PPP2R2B: variants seen among roughly 807,000 people sequenced by gnomAD.
PPP2R2B encodes the protein protein phosphatase 2 regulatory subunit Bbeta.
In PPP2R2B, 5 loss-of-function variants were observed where a neutral mutation model predicts 46.0. The observed-to-expected ratio is 0.11, with a 90% CI of 0.06 to 0.23. The LOEUF is 0.23. Ranked by LOEUF, PPP2R2B falls within the 10% of genes least tolerant of loss-of-function variation. PPP2R2B has a pLI of 1.00. For missense variants in PPP2R2B, 367 were observed against 575.0 expected, an observed-to-expected ratio of 0.64 and a Z score of 3.70; for synonymous variants, 215 against 206.7, an observed-to-expected ratio of 1.04 and a Z score of -0.34.
intron 2 of PPP2R2B, among the ~76,000 whole-genome samples, chr5:146,702,916 T>A (rs561709104): frequency 1.8e-4 from 27 of 152,170 alleles, no homozygotes; most frequent in Non-Finnish European, 3.7e-4. Flanking sequence ...AGATGTAAGT[T>A]TAGAAGGTCC....
chr5:146,709,205 A>C (rs1780076583), intron 2 of PPP2R2B, among the ~76,000 whole-genome samples: 1 of 152,240 alleles, frequency 6.6e-6, no homozygotes. Flanking sequence ...GAATACAGAT[A>C]GAAGGGTCCA....
chr5:146,733,630 C>G (rs548393156), intron 2 of PPP2R2B, among the ~76,000 whole-genome samples: 1 of 152,238 alleles, frequency 6.6e-6, no homozygotes, highest in African/African-American at 2.4e-5. Flanking sequence ...AGACTAACCT[C>G]CCTCCAAGTC....
intron 1 of PPP2R2B, among the ~76,000 whole-genome samples, chr5:147,027,968 G>A (rs1046273026): frequency 6.6e-6 from 1 of 152,194 alleles, no homozygotes; most frequent in Non-Finnish European, 1.5e-5. Context: ...AGGCAACTCT[G>A]CTGTCACGGA....
chr5:146,732,369 C>G (rs1581975854), intron 2 of PPP2R2B, among the ~76,000 whole-genome samples: 2 of 152,282 alleles, frequency 1.3e-5, no homozygotes, highest in East Asian at 3.9e-4. Flanking sequence ...AGGCTTCCAG[C>G]TACCAATACA....
intron 1 of PPP2R2B, among the ~76,000 whole-genome samples, chr5:146,887,101 T>C (rs954171877): frequency 6.6e-6 from 1 of 152,072 alleles, no homozygotes; most frequent in African/African-American, 2.4e-5. Flanking sequence ...TATTTATATT[T>C]GAATTTTTTG....
At chr5:146,853,590 T>C (rs1050858667) in intron 2 of PPP2R2B, among the ~76,000 whole-genome samples, 1 of 152,106 alleles carries the variant, frequency 6.6e-6, no homozygotes, top group African/African-American at 2.4e-5. Flanking sequence ...AAAACCCTAA[T>C]TGAGTAACTA....
At chr5:147,080,905 G>C (rs1757951073) in intron 2 of PPP2R2B, among the ~76,000 whole-genome samples, 1 of 152,030 alleles carries the variant, frequency 6.6e-6, no homozygotes. Flanking sequence ...AAAAACAGGA[G>C]AGAAAGAAGT....
Position 146,678,056 on chromosome 5 carries a change from C to G in PPP2R2B, c.447+13072G>C, listed in dbSNP as rs1217909413. 4.6e-5 allele frequency among the ~76,000 whole-genome samples: 7 copies of G among 152,142 alleles called. No homozygotes were observed. The East Asian group carries it at 1.3e-3, about 29-fold the overall frequency. On this transcript the variant is annotated intron_variant, in intron 5 of 9. Coordinates refer to ENST00000394411, the MANE Select transcript of PPP2R2B (RefSeq NM_181675.4). ...AAGAAGTCTCTAAAGTAGGATAAAG[C>G]CCCCATGGCTCAGAGGGTTAAAAGC...
chr5:146,670,269 T>G (rs111779691), intron 5 of PPP2R2B, among the ~76,000 whole-genome samples: 1 of 152,088 alleles, frequency 6.6e-6, no homozygotes, highest in East Asian at 1.9e-4. Flanking sequence ...AACTGGCTTT[T>G]AAAAAAATCA....
At chr5:146,919,048 T>A (rs1211133751) in intron 1 of PPP2R2B, among the ~76,000 whole-genome samples, 1 of 152,166 alleles carries the variant, frequency 6.6e-6, no homozygotes, top group African/African-American at 2.4e-5. Context: ...ATGCAAAACC[T>A]ATATATGAAA....
At chr5:146,860,560 T>C (rs1213197277) in intron 2 of PPP2R2B, among the ~76,000 whole-genome samples, 1 of 152,348 alleles carries the variant, frequency 6.6e-6, no homozygotes, top group African/African-American at 2.4e-5. Flanking sequence ...TACACTACAC[T>C]TGACCTGCTG....
intron 7 of PPP2R2B, among the ~76,000 whole-genome samples, chr5:146,627,851 T>C (rs1343530708): frequency 6.6e-6 from 1 of 152,228 alleles, no homozygotes; most frequent in Non-Finnish European, 1.5e-5. Context: ...ATGAAATTTC[T>C]GATTTGCATT....
intron 1 of PPP2R2B, among the ~76,000 whole-genome samples, chr5:146,977,687 C>T (rs994487041): frequency 1.3e-5 from 2 of 152,084 alleles, no homozygotes; most frequent in East Asian, 1.9e-4. Flanking sequence ...CATCCATGTC[C>T]CAGCAAAGGA....
chr5:146,674,312 C>G (rs1190563429), intron 5 of PPP2R2B, among the ~76,000 whole-genome samples: 1 of 152,112 alleles, frequency 6.6e-6, no homozygotes, highest in Non-Finnish European at 1.5e-5. Context: ...GGATATGAAC[C>G]TGGAGTTGTC....
chr5:146,698,351 T>C (rs868612557), intron 3 of PPP2R2B, among the ~76,000 whole-genome samples: 1,090 of 102,826 alleles, frequency 0.011, 9 homozygotes, highest in Middle Eastern at 0.018. Context: ...TATATATATA[T>C]ACACACACAT....
intron 2 of PPP2R2B, among the ~76,000 whole-genome samples, chr5:147,062,923 G>A (rs1213745443): frequency 1.5e-5 from 2 of 137,032 alleles, no homozygotes; most frequent in Non-Finnish European, 3.1e-5. Context: ...CAAGGACTGT[G>A]AGATTAGATG....
intron 1 of PPP2R2B, among the ~76,000 whole-genome samples, chr5:146,915,536 T>A (rs985705173): frequency 1.6e-4 from 25 of 152,070 alleles, no homozygotes; most frequent in Non-Finnish European, 2.6e-4. Context: ...CAATTGCCAC[T>A]ATGTGAAATT....
At chr5:146,645,353 C>T (rs1775511759) in intron 6 of PPP2R2B, among the ~76,000 whole-genome samples, 1 of 152,156 alleles carries the variant, frequency 6.6e-6, no homozygotes, top group Non-Finnish European at 1.5e-5. Flanking sequence ...ATATTCCTCT[C>T]TTAAGAGCTT....
chr5:146,670,079 G>C (rs1777249233), intron 5 of PPP2R2B, among the ~76,000 whole-genome samples: 1 of 152,158 alleles, frequency 6.6e-6, no homozygotes, highest in South Asian at 2.1e-4. Context: ...GATTAGCATA[G>C]GAGTAAAGCT....
Sources: allele counts gnomAD v4.1 joint callset (sites outside exome capture counted in the v4.1 genomes callset), GRCh38; gene constraint gnomAD v4.1.1; transcripts MANE v1.5; gene names NCBI Gene and HGNC (gene_info 2026-07-23, HGNC 2026-07-21).